VWA2: variants seen among roughly 807,000 people sequenced by gnomAD.
The protein encoded by VWA2 is von Willebrand factor A domain containing 2, also known as von Willebrand factor A domain-containing protein 2.
Under a neutral mutation model 70.4 loss-of-function variants are expected in VWA2, and 73 were observed. That is an observed-to-expected ratio of 1.04 (90% CI 0.86 to 1.26). The LOEUF (loss-of-function observed/expected upper bound fraction) is 1.26. Ranked by LOEUF, VWA2 falls within the 50% of genes most tolerant of loss-of-function variation. VWA2 has a pLI of 0.00. For synonymous variants in VWA2, 407 were observed against 423.3 expected (o/e 0.96, Z 0.47); for missense variants, 1,011 against 998.5 (o/e 1.01, Z -0.17).
chr10:114,270,572 C>G (rs1365345655), intron 5 of VWA2, among the ~76,000 whole-genome samples: 3 of 152,036 alleles, frequency 2.0e-5, no homozygotes, highest in Admixed American at 2.0e-4. Flanking sequence ...GTGTCTGGCA[C>G]AAAGTAAAAT....
chr10:114,278,933 G>A, intron 8 of VWA2, 82 bp downstream of exon 8: 1 of 1,576,304 alleles, frequency 6.3e-7, no homozygotes, highest in Non-Finnish European at 8.6e-7. Context: ...GTACTTTGGG[G>A]CCCTGCCATG....
At position 114,270,398 on chromosome 10, in the gene VWA2, A is replaced by T. The variant is rs532047919; in HGVS notation, c.372-2342A>T. ...ATAATATGCTAAGCATATATAGCTA[A>T]ACATGGGTTGAGCACAGCGTCTGGC... On this transcript the variant is annotated intron_variant, in intron 5 of 13. Transcript: ENST00000392982. Among the ~76,000 whole-genome samples, 3 of 152,330 alleles carry T rather than the reference A, an allele frequency of 2.0e-5. No individual in the cohort carries two copies. In the South Asian group the frequency reaches 6.2e-4, roughly 32 times the overall value.
intron 5 of VWA2, among the ~76,000 whole-genome samples, chr10:114,261,769 T>G (rs1395305221): frequency 6.6e-6 from 1 of 152,228 alleles, no homozygotes; most frequent in East Asian, 1.9e-4. Context: ...CTTATACATA[T>G]ACACACCTTA....
intron 1 of VWA2, among the ~76,000 whole-genome samples, chr10:114,248,088 A>G (rs1297185510): frequency 6.6e-6 from 1 of 150,408 alleles, no homozygotes; most frequent in East Asian, 1.9e-4. Context: ...AGCCTGGGCT[A>G]CAGAATAAGA....
intron 1 of VWA2, among the ~76,000 whole-genome samples, chr10:114,243,561 T>C (rs1404680510): frequency 6.6e-6 from 1 of 152,194 alleles, no homozygotes; most frequent in African/African-American, 2.4e-5. Flanking sequence ...CAGATTTCCA[T>C]CCTGCTGATT....
chr10:114,250,149 A>G (rs758811238), intron 2 of VWA2, among the ~76,000 whole-genome samples: 2 of 152,168 alleles, frequency 1.3e-5, no homozygotes, highest in Admixed American at 6.5e-5. Flanking sequence ...CTTAACACAG[A>G]TATGAGTTTT....
At position 114,292,794 on chromosome 10, in the gene VWA2, C is replaced by T. The variant is rs568331997; in HGVS notation, c.*1557C>T. On this transcript the variant is annotated 3_prime_UTR_variant, in exon 14 of 14. Transcript: ENST00000392982. Reference sequence around the variant, plus strand: ...AATCTTGGCTCACTGCAACCTTTGCCTCCCAGGTTGAAGTGATTCTCATGC... The same window carrying T: ...AATCTTGGCTCACTGCAACCTTTGCTTCCCAGGTTGAAGTGATTCTCATGC... Among the ~76,000 whole-genome samples the T allele has an allele frequency of 1.1e-3, 161 of 152,164 alleles. No homozygotes were observed. Among genetic ancestry groups the T allele is most frequent in the Non-Finnish European group, 1.9e-3 (126 of 68,024 alleles).
chr10:114,272,962 C>T, intron 6 of VWA2, 28 bp downstream of exon 6: 1 of 1,581,896 alleles, frequency 6.3e-7, no homozygotes. Context: ...CCTGGATCAG[C>T]CCTCAGGTGG....
At chr10:114,271,345 A>G (rs1055405756) in intron 5 of VWA2, among the ~76,000 whole-genome samples, 1 of 152,256 alleles carries the variant, frequency 6.6e-6, no homozygotes, top group Non-Finnish European at 1.5e-5. Context: ...ACCGCAAAGA[A>G]AACTGCCATT....
chr10:114,275,373 G>C (rs1162443320), intron 6 of VWA2, among the ~76,000 whole-genome samples: 1 of 152,202 alleles, frequency 6.6e-6, no homozygotes, highest in Non-Finnish European at 1.5e-5. Flanking sequence ...AACTCCTGGA[G>C]AGAGGAGAGA....
intron 2 of VWA2, among the ~76,000 whole-genome samples, chr10:114,250,757 A>G (rs1026635527): frequency 3.3e-5 from 5 of 152,168 alleles, no homozygotes; most frequent in Admixed American, 6.5e-5. Context: ...TTCATGGCCA[A>G]GGGGTTGGGG....
rs192585451 is a variant in VWA2 at position 114,255,194 on chromosome 10, C to T, written c.261+146C>T. ...ATCCTGGTTCCTGGCATGGTGGGAT[C>T]CAAGGGCTGAGTTGAGGCTATAAGG... On this transcript the variant is annotated intron_variant, in intron 4 of 13. Coordinates refer to ENST00000392982, the MANE Select transcript of VWA2 (RefSeq NM_001272046.2). The T allele has an allele frequency of 3.4e-4, 323 of 952,648 alleles. No homozygotes were observed. The Middle Eastern group carries it at 4.3e-3, about 13-fold the overall frequency. 59.0% of individuals were successfully genotyped at this position (952,648 alleles called of 1,614,324 possible). A position where few individuals can be genotyped will look rare whatever the true frequency, so the allele number is the denominator to read the frequency against.
At chr10:114,255,094 A>G (rs1429333558) in intron 4 of VWA2, 46 bp downstream of exon 4, 4 of 1,602,124 alleles carry the variant, frequency 2.5e-6, no homozygotes, top group East Asian at 2.2e-5. Flanking sequence ...GTCTTCTGTG[A>G]TAAGGGACAG....
chr10:114,252,411 C>T (rs2037215834), intron 2 of VWA2, among the ~76,000 whole-genome samples: 1 of 151,966 alleles, frequency 6.6e-6, no homozygotes, highest in South Asian at 2.1e-4. Context: ...TGGGGAGAGA[C>T]TAGTTTAGTT....
rs1388682901 is a variant in VWA2 at position 114,294,149 on chromosome 10, C to CA, written c.*2913dup. Among the ~76,000 whole-genome samples, 1 of 152,128 alleles carries CA rather than the reference C, an allele frequency of 6.6e-6. No homozygotes were observed. The highest frequency in any genetic ancestry group is 2.4e-5 in the African/African-American group (1 of 41,428). On this transcript the variant is annotated 3_prime_UTR_variant, in exon 14 of 14. Transcript: ENST00000392982. Reference sequence around the variant, plus strand: ...GGATAAACTCTATTTGGTCATTATGCATCATTCTATAAACCCTGCTGAATT... The same window carrying CA: ...GGATAAACTCTATTTGGTCATTATGCAATCATTCTATAAACCCTGCTGAATT...
intron 5 of VWA2, among the ~76,000 whole-genome samples, chr10:114,271,257 T>C (rs189291091): frequency 1.1e-4 from 17 of 152,340 alleles, no homozygotes; most frequent in African/African-American, 4.1e-4. Flanking sequence ...CATGCAAATG[T>C]CAATATATGT....
At chr10:114,289,568 G>C (rs751006561) in intron 12 of VWA2, 79 bp downstream of exon 12, 1 of 1,520,268 alleles carries the variant, frequency 6.6e-7, no homozygotes, top group Admixed American at 1.7e-5. Context: ...ATCATGACGA[G>C]GATGGCAGCT....
At chr10:114,256,803 G>A (rs1397884668) in intron 4 of VWA2, among the ~76,000 whole-genome samples, 1 of 151,234 alleles carries the variant, frequency 6.6e-6, no homozygotes, top group Admixed American at 6.6e-5. Context: ...CCAGCTACTC[G>A]GAAGGCTGAG....
intron 2 of VWA2, among the ~76,000 whole-genome samples, chr10:114,250,809 C>T (rs976316641): frequency 1.3e-5 from 2 of 152,238 alleles, no homozygotes; most frequent in Non-Finnish European, 2.9e-5. Context: ...AAAGAAGTCT[C>T]TGGAGTCCTG....
Sources: allele counts gnomAD v4.1 joint callset (sites outside exome capture counted in the v4.1 genomes callset), GRCh38; gene constraint gnomAD v4.1.1; transcripts MANE v1.5; gene names NCBI Gene and HGNC (gene_info 2026-07-23, HGNC 2026-07-21).